Variants in FMR1NB observed in about 807,000 individuals in gnomAD.
FMR1NB encodes the protein FMR1 neighbor protein.
Under a neutral mutation model 16.8 loss-of-function variants are expected in FMR1NB, and 10 were observed. That is an observed-to-expected ratio of 0.60 (90% CI 0.37 to 1.01). The LOEUF (loss-of-function observed/expected upper bound fraction) is 1.01. Ranked by LOEUF, FMR1NB falls within the 50% of genes least tolerant of loss-of-function variation. FMR1NB has a pLI of 0.01. For missense variants in FMR1NB, 205 were observed against 204.8 expected, an observed-to-expected ratio of 1.00 and a Z score of 0.00; for synonymous variants, 83 against 79.1, an observed-to-expected ratio of 1.05 and a Z score of -0.26.
chrX:148,013,340 T>C (rs1358061886), intron 4 of FMR1NB, among the ~76,000 whole-genome samples: 2 of 111,587 alleles, frequency 1.8e-5, no homozygotes, highest in Middle Eastern at 4.2e-3. Flanking sequence ...ATTTGATCTT[T>C]TTGTCACAGA....
rs1557189157 is a variant in FMR1NB, at chrX:148,006,841, T to C, written c.537T>C (p.Asp179=). 8.3e-7 allele frequency: 1 copy of C among 1,202,051 alleles called. No homozygotes were observed. Among genetic ancestry groups the C allele is most frequent in the South Asian group, 1.8e-5 (1 of 54,711 alleles). Residue 179 remains aspartate (D), a splice_region_variant and synonymous_variant, in exon 3 of 6, where the codon GAT becomes GAC. Coordinates refer to ENST00000370467, the MANE Select transcript of FMR1NB (RefSeq NM_152578.3). ...TSFKCFAPFR[D]VPKQMMQMFG... is the part of the protein sequence containing the mutation. ...TCAAATGTTTTGCTCCATTTAGAGATGGTAAGTTATTCCTCTTTCATTTAT... is the reference window on the plus strand; with the variant it reads ...TCAAATGTTTTGCTCCATTTAGAGACGGTAAGTTATTCCTCTTTCATTTAT...
At chrX:147,982,672 TC>T (rs1343061538) in intron 1 of FMR1NB, among the ~76,000 whole-genome samples, 1 of 103,593 alleles carries the variant, frequency 9.7e-6, no homozygotes, top group Non-Finnish European at 2.0e-5. Context: ...GGCGGGTGGA[TC>T]ACGAGGTCAG....
chrX:147,991,044 C>T (rs1557187566), intron 1 of FMR1NB, among the ~76,000 whole-genome samples: 1 of 111,138 alleles, frequency 9.0e-6, no homozygotes, highest in Non-Finnish European at 1.9e-5. Context: ...CCTTTCTTTA[C>T]TCACCTTCCA....
chrX:148,009,096 T>C (rs1445577076), intron 4 of FMR1NB, among the ~76,000 whole-genome samples: 3 of 111,046 alleles, frequency 2.7e-5, no homozygotes, highest in Non-Finnish European at 5.7e-5. Flanking sequence ...GGCAAGAGAA[T>C]TGCTTGAACC....
In FMR1NB at chrX:147,981,679, G is replaced by A. The variant is rs782135236; in HGVS notation, c.277G>A (p.Gly93Arg). Residue 93 changes from glycine (G) to arginine (R), a missense_variant and splice_region_variant, in exon 1 of 6, where the codon GGG becomes AGG. Transcript: ENST00000370467. ...CTACCTGTCCTACTACCTGTGCTCC[G>A]GTGAGTGCTGGCTCAGGCCAGGCAG... ...CYYLSYYLCS[G>R]SSYFVLANGH... 1.7e-5 allele frequency: 20 copies of A among 1,183,290 alleles called. No individual in the cohort carries two copies. Among genetic ancestry groups the A allele is most frequent in the Non-Finnish European group, 2.3e-5 (20 of 881,616 alleles).
chrX:148,001,643 G>A (rs2044570977), intron 1 of FMR1NB, among the ~76,000 whole-genome samples: 1 of 110,279 alleles, frequency 9.1e-6, no homozygotes, highest in Admixed American at 9.8e-5. Context: ...TCAGCTACTC[G>A]GGAGGCCAAG....
At chrX:148,012,918 G>A (rs886949844) in intron 4 of FMR1NB, among the ~76,000 whole-genome samples, 9 of 111,956 alleles carry the variant, frequency 8.0e-5, no homozygotes, top group African/African-American at 2.3e-4. Flanking sequence ...GCAGTAATTA[G>A]CGAACTACTG....
chrX:148,011,417 A>G (rs1335849582), intron 4 of FMR1NB, among the ~76,000 whole-genome samples: 1 of 111,712 alleles, frequency 9.0e-6, no homozygotes, highest in Non-Finnish European at 1.9e-5. Context: ...TATTGACCAT[A>G]TTCATTGAAT....
At chrX:148,008,816 G>A in intron 4 of FMR1NB, 105 bp downstream of exon 4, 2 of 675,895 alleles carry the variant, frequency 3.0e-6, no homozygotes, top group Non-Finnish European at 4.4e-6. Flanking sequence ...TTATGTTTGG[G>A]TTCTTTATGT....
intron 1 of FMR1NB, among the ~76,000 whole-genome samples, chrX:148,001,621 A>C (rs2044570831): frequency 9.1e-6 from 1 of 110,453 alleles, no homozygotes; most frequent in Admixed American, 9.8e-5. Flanking sequence ...GTGATGGTGC[A>C]TGCCTGTAAT....
intron 1 of FMR1NB, 130 bp from the exon 2 acceptor site, chrX:148,003,071 A>T: frequency 1.5e-6 from 1 of 675,482 alleles, no homozygotes; most frequent in Non-Finnish European, 2.2e-6. Context: ...AGCTGTTATG[A>T]GATGAAAGTA....
chrX:148,017,839 T>G (rs1335233153), intron 4 of FMR1NB, among the ~76,000 whole-genome samples: 1 of 106,408 alleles, frequency 9.4e-6, no homozygotes, highest in African/African-American at 3.5e-5. Flanking sequence ...GATTTCCAAT[T>G]TCATCCATGT....
intron 1 of FMR1NB, among the ~76,000 whole-genome samples, chrX:147,993,939 C>T (rs1311582888): frequency 1.9e-5 from 2 of 104,465 alleles, no homozygotes; most frequent in Non-Finnish European, 3.8e-5. Flanking sequence ...ACCTGAACTG[C>T]TTTTCCTTTT....
intron 1 of FMR1NB, among the ~76,000 whole-genome samples, chrX:147,996,583 C>T (rs1255783179): frequency 2.9e-5 from 3 of 102,207 alleles, no homozygotes; most frequent in Non-Finnish European, 4.0e-5. Flanking sequence ...CACACCACAG[C>T]GGGGATGGGG....
Position 148,026,511 on chromosome X carries a change from C to T in FMR1NB, c.*23C>T, listed in dbSNP as rs2044704417. The T allele has an allele frequency of 9.0e-6, 1 of 111,419 alleles. No homozygotes were observed. Among genetic ancestry groups the T allele is most frequent in the Non-Finnish European group, 1.9e-5 (1 of 53,025 alleles). The allele number at this position is 111,419 out of a possible 1,213,427, so 9.2% of individuals were successfully genotyped here. On this transcript the variant is annotated 3_prime_UTR_variant, in exon 6 of 6. Transcript: ENST00000370467. Reference sequence around the variant, plus strand: ...TACTTTTCTCCCATAGCATTATTTTCCCCTCAAGACAACAGAAACCATTCA... The same window carrying T: ...TACTTTTCTCCCATAGCATTATTTTTCCCTCAAGACAACAGAAACCATTCA...
chrX:147,998,772 T>C (rs1251400829), intron 1 of FMR1NB, among the ~76,000 whole-genome samples: 1 of 112,345 alleles, frequency 8.9e-6, no homozygotes, highest in Non-Finnish European at 1.9e-5. Context: ...CTAAAATTCT[T>C]ATGTACTACT....
intron 1 of FMR1NB, among the ~76,000 whole-genome samples, chrX:147,998,788 T>A (rs1034375514): frequency 2.8e-4 from 32 of 112,403 alleles, no homozygotes; most frequent in African/African-American, 9.4e-4. Flanking sequence ...CTACTAGTGA[T>A]AGACTACACT....
In FMR1NB at chrX:148,003,190, T is replaced by G. The variant is rs1557188781; in HGVS notation, c.278-11T>G. 4.2e-6 allele frequency: 5 copies of G among 1,202,866 alleles called. No homozygotes were observed. In the South Asian group the frequency reaches 9.0e-5, roughly 22 times the overall value. ...TATATGTTGGGATTAATAATTTTAC[T>G]TCTTCTTAAGGGTCCTCATATTTTG... On this transcript the variant is annotated splice_polypyrimidine_tract_variant and intron_variant, in intron 1 of 5. Coordinates refer to ENST00000370467, the MANE Select transcript of FMR1NB (RefSeq NM_152578.3).
At chrX:148,001,033 A>G (rs782518490) in intron 1 of FMR1NB, among the ~76,000 whole-genome samples, 6 of 112,202 alleles carry the variant, frequency 5.3e-5, no homozygotes, top group African/African-American at 1.3e-4. Flanking sequence ...AAATATATGT[A>G]TAAAAATCAA....
Sources: allele counts gnomAD v4.1 joint callset (sites outside exome capture counted in the v4.1 genomes callset), GRCh38; gene constraint gnomAD v4.1.1; transcripts MANE v1.5; gene names NCBI Gene and HGNC (gene_info 2026-07-23, HGNC 2026-07-21).